ZBTB20: variants seen among roughly 807,000 people sequenced by gnomAD.
The protein encoded by ZBTB20 is zinc finger and BTB domain-containing protein 20.
ZBTB20 carries 9 observed loss-of-function variants against 56.9 expected under a neutral mutation model. The observed-to-expected ratio is 0.16, with a 90% CI of 0.10 to 0.28. The LOEUF is 0.28. ZBTB20 is among the 10% of genes least tolerant of loss of function. ZBTB20 has a pLI of 1.00. For synonymous variants in ZBTB20, 417 were observed against 420.7 expected (o/e 0.99, Z 0.11); for missense variants, 655 against 1,003.0 (o/e 0.65, Z 4.69).
At chr3:114,435,774 A>G (rs1229111892) in intron 7 of ZBTB20, among the ~76,000 whole-genome samples, 3 of 152,318 alleles carry the variant, frequency 2.0e-5, no homozygotes, top group Non-Finnish European at 4.4e-5. Context: ...CGAGAATAAA[A>G]AAATTCTTCA....
intron 10 of ZBTB20, chr3:114,378,970 T>A (rs1373136051): frequency 6.6e-6 from 1 of 152,246 alleles, no homozygotes; most frequent in Non-Finnish European, 1.5e-5. Flanking sequence ...CATTTTCTAG[T>A]GACGGCTAGA....
intron 5 of ZBTB20, among the ~76,000 whole-genome samples, chr3:114,742,950 A>G (rs1424445392): frequency 6.6e-6 from 1 of 152,188 alleles, no homozygotes; most frequent in East Asian, 1.9e-4. Flanking sequence ...AGGTAGTACA[A>G]GACTCAAGTG....
At chr3:115,136,988 A>G (rs2084667740) in intron 1 of ZBTB20, among the ~76,000 whole-genome samples, 1 of 152,120 alleles carries the variant, frequency 6.6e-6, no homozygotes, top group Non-Finnish European at 1.5e-5. Flanking sequence ...ACAACAGAGT[A>G]CCACCGATGA....
chr3:114,485,833 T>C (rs1001221850), intron 7 of ZBTB20, among the ~76,000 whole-genome samples: 3 of 152,178 alleles, frequency 2.0e-5, no homozygotes, highest in Non-Finnish European at 2.9e-5. Flanking sequence ...ATACCAAATT[T>C]GCAGGTGCCT....
At chr3:114,912,011 T>C (rs990604201) in intron 3 of ZBTB20, among the ~76,000 whole-genome samples, 3 of 150,448 alleles carry the variant, frequency 2.0e-5, no homozygotes, top group South Asian at 2.1e-4. Context: ...ATCTTGAAAG[T>C]AGTGAAAGAA....
At chr3:114,623,875 G>T (rs2058488676) in intron 6 of ZBTB20, among the ~76,000 whole-genome samples, 1 of 152,032 alleles carries the variant, frequency 6.6e-6, no homozygotes, top group Admixed American at 6.6e-5. Flanking sequence ...ATCGGTGGCA[G>T]TATGAAACCT....
At position 114,351,697 on chromosome 3, in the gene ZBTB20, G is replaced by A. The variant is rs868065501; in HGVS notation, c.381C>T (p.Pro127=). ...AHRCVLAAGS[P]FFQDKLLLGY... is the part of the protein sequence containing the mutation. Reference sequence around the variant, plus strand: ...CAAGCAGCAGTTTGTCCTGGAAGAAGGGGCTGCCGGCTGCCAGCACGCAGC... The same window carrying A: ...CAAGCAGCAGTTTGTCCTGGAAGAAAGGGCTGCCGGCTGCCAGCACGCAGC... The change falls in exon 11 of 12, where the codon CCC becomes CCT. Residue 127 remains proline (P), a synonymous_variant. Transcript: ENST00000675478. 5.0e-6 allele frequency: 8 copies of A among 1,613,962 alleles called. 1 individual carries two copies. The Middle Eastern group carries it at 6.6e-4, about 133-fold the overall frequency.
intron 4 of ZBTB20, among the ~76,000 whole-genome samples, chr3:114,817,273 C>A (rs1017244830): frequency 6.6e-6 from 1 of 151,664 alleles, no homozygotes; most frequent in Non-Finnish European, 1.5e-5. Context: ...AATCCCAGCA[C>A]TTTGGGAGGC....
At chr3:114,741,418 T>C (rs918717763) in intron 5 of ZBTB20, among the ~76,000 whole-genome samples, 1 of 152,158 alleles carries the variant, frequency 6.6e-6, no homozygotes, top group Non-Finnish European at 1.5e-5. Flanking sequence ...TTAAGAGTGA[T>C]ACAAGGAGAC....
intron 5 of ZBTB20, among the ~76,000 whole-genome samples, chr3:114,712,510 G>A (rs544336760): frequency 2.0e-5 from 3 of 151,924 alleles, no homozygotes; most frequent in South Asian, 2.1e-4. Context: ...AAAATTAGCC[G>A]GGTGTGGTGG....
intron 8 of ZBTB20, among the ~76,000 whole-genome samples, chr3:114,383,067 T>C (rs2084589460): frequency 2.6e-5 from 4 of 152,200 alleles, no homozygotes; most frequent in Admixed American, 2.0e-4. Context: ...ATAGTCTGAA[T>C]CCCAATTAAG....
chr3:114,470,683 G>A (rs987182428), intron 7 of ZBTB20, among the ~76,000 whole-genome samples: 2 of 152,064 alleles, frequency 1.3e-5, no homozygotes, highest in African/African-American at 4.8e-5. Context: ...TTTTGTCCAT[G>A]GATTTTAAGT....
At chr3:114,409,065 G>A (rs73857605) in intron 7 of ZBTB20, among the ~76,000 whole-genome samples, 31,385 of 145,542 alleles carry the variant, frequency 0.22, 4,431 homozygotes, top group African/African-American at 0.4. Context: ...CAAAAAGGCA[G>A]AAAAGGTTGA....
chr3:115,078,613 GTA>G (rs3086037), intron 1 of ZBTB20, among the ~76,000 whole-genome samples: 2,355 of 137,586 alleles, frequency 0.017, 52 homozygotes, highest in African/African-American at 0.055. Context: ...GTGTGTGTGT[GTA>G]TATATATATA....
intron 5 of ZBTB20, among the ~76,000 whole-genome samples, chr3:114,715,967 A>G (rs899489631): frequency 2.0e-5 from 3 of 152,198 alleles, no homozygotes; most frequent in African/African-American, 7.2e-5. Context: ...CTATCTTTCC[A>G]ATGTTCTAAC....
chr3:114,486,580 T>G (rs1361744475), intron 7 of ZBTB20, among the ~76,000 whole-genome samples: 2 of 152,066 alleles, frequency 1.3e-5, no homozygotes. Flanking sequence ...ACTCAGAAAA[T>G]TATTTTGACT....
chr3:114,985,119 T>C (rs559012373), intron 2 of ZBTB20, among the ~76,000 whole-genome samples: 1 of 152,198 alleles, frequency 6.6e-6, no homozygotes, highest in South Asian at 2.1e-4. Flanking sequence ...TGCAACTATT[T>C]TACTTATTTA....
chr3:114,658,437 A>G (rs1390583567), intron 6 of ZBTB20: 3 of 152,224 alleles, frequency 2.0e-5, no homozygotes, highest in Non-Finnish European at 2.9e-5. Flanking sequence ...ACAAAACTAC[A>G]AAGTATCCCA....
At chr3:114,799,448 G>A (rs2071562958) in intron 5 of ZBTB20, among the ~76,000 whole-genome samples, 1 of 151,804 alleles carries the variant, frequency 6.6e-6, no homozygotes, top group Non-Finnish European at 1.5e-5. Context: ...GTTGTGTTTG[G>A]CAAATTCCTT....
Sources: allele counts gnomAD v4.1 joint callset (sites outside exome capture counted in the v4.1 genomes callset), GRCh38; gene constraint gnomAD v4.1.1; transcripts MANE v1.5; gene names NCBI Gene and HGNC (gene_info 2026-07-23, HGNC 2026-07-21).